Variants in TBC1D2B observed in about 807,000 individuals in gnomAD.
The protein encoded by TBC1D2B is TBC1 domain family, member 2B.
In TBC1D2B, 64 loss-of-function variants were observed where a neutral mutation model predicts 100.8. The ratio of observed to expected loss-of-function variants is 0.64; its 90% CI spans 0.52 to 0.78. The LOEUF is 0.78. Ranked by LOEUF, TBC1D2B falls within the 30% of genes least tolerant of loss-of-function variation. The pLI is 0.00. For missense variants in TBC1D2B, 1,052 were observed against 1,218.4 expected, an observed-to-expected ratio of 0.86 and a Z score of 2.03; for synonymous variants, 480 against 479.7, an observed-to-expected ratio of 1.00 and a Z score of -0.01.
At position 78,054,115 on chromosome 15, in the gene TBC1D2B, G is replaced by T. The variant is rs778649769; in HGVS notation, c.433C>A (p.Leu145Ile). The T allele has an allele frequency of 5.6e-6, 9 of 1,613,882 alleles. No homozygotes were observed. The highest frequency in any genetic ancestry group is 7.6e-6 in the Non-Finnish European group (9 of 1,179,812). ...QQKRWEYCNS[L>I]DMVKWDSRTS... Reference sequence around the variant, plus strand: ...CTGCTGTCCCACTTGACCATGTCAAGACTGTTACAATATTCCCATCTCTTC... The same window carrying T: ...CTGCTGTCCCACTTGACCATGTCAATACTGTTACAATATTCCCATCTCTTC... Residue 145 changes from leucine (L) to isoleucine (I), a missense_variant, in exon 2 of 13, where the codon CTT becomes ATT. Coordinates refer to ENST00000300584, the MANE Select transcript of TBC1D2B (RefSeq NM_144572.2).
At chr15:78,042,673 C>T (rs2073114013) in intron 3 of TBC1D2B, among the ~76,000 whole-genome samples, 1 of 152,128 alleles carries the variant, frequency 6.6e-6, no homozygotes, top group Admixed American at 6.5e-5. Context: ...AATCAGATGG[C>T]ACAGGGCAGA....
intron 1 of TBC1D2B, among the ~76,000 whole-genome samples, chr15:78,062,461 TA>T (rs931614806): frequency 6.6e-6 from 1 of 152,186 alleles, no homozygotes; most frequent in Non-Finnish European, 1.5e-5. Context: ...TCTTTAGTTT[TA>T]AAAAACAACA....
chr15:78,060,167 AG>A (rs1354604661), intron 1 of TBC1D2B, among the ~76,000 whole-genome samples: 8 of 152,232 alleles, frequency 5.3e-5, no homozygotes, highest in African/African-American at 1.7e-4. Context: ...GTTTATTAAG[AG>A]CCTAACTTGG....
chr15:78,035,309 G>A (rs1421212649), intron 3 of TBC1D2B, among the ~76,000 whole-genome samples: 1 of 152,212 alleles, frequency 6.6e-6, no homozygotes, highest in Non-Finnish European at 1.5e-5. Context: ...GTAATAACTC[G>A]TTCGACATTC....
Position 78,077,443 on chromosome 15 carries a change from G to C in TBC1D2B, c.210C>G (p.Phe70Leu). 2.6e-6 allele frequency: 4 copies of C among 1,544,040 alleles called. No homozygotes were observed. Among genetic ancestry groups the C allele is most frequent in the African/African-American group, 1.4e-5 (1 of 71,862 alleles). Residue 70 changes from phenylalanine to leucine, a missense_variant, in exon 1 of 13, where the codon TTC becomes TTG. Phe to Leu is a conservative substitution (Grantham distance 22). Transcript: ENST00000300584. ...GGGGCAGCGCGTCCTGCGGACTCTT[G>C]AAATAGTAAAGGTAGCAGCGGCGCG... ...FDARRCYLYYFKSPQDALPLG... is the reference protein window; with the variant it reads ...FDARRCYLYYLKSPQDALPLG...
chr15:78,074,502 C>T (rs920633364), intron 1 of TBC1D2B, among the ~76,000 whole-genome samples: 1 of 152,122 alleles, frequency 6.6e-6, no homozygotes, highest in Non-Finnish European at 1.5e-5. Flanking sequence ...ATATTCTGAA[C>T]CTACAAAAAG....
Position 77,997,966 on chromosome 15 carries a change from AT to A in TBC1D2B, c.*193del, listed in dbSNP as rs2071806946. 9.1e-6 allele frequency: 4 copies of A among 439,334 alleles called. No homozygotes were observed. The highest frequency in any genetic ancestry group is 8.1e-5 in the African/African-American group (4 of 49,118). The allele number at this position is 439,334 out of a possible 1,614,324, so 27.2% of individuals were successfully genotyped here. A position where few individuals can be genotyped will look rare whatever the true frequency, so the allele number is the denominator to read the frequency against. On this transcript the variant is annotated 3_prime_UTR_variant, in exon 13 of 13. Coordinates refer to ENST00000300584, the MANE Select transcript of TBC1D2B (RefSeq NM_144572.2). ...GTGTAACCAAAAGCATGGCACGGAA[AT>A]GGTTGTAAACAGATTAGACCTCCCA...
At chr15:78,075,797 C>A (rs1016274140) in intron 1 of TBC1D2B, among the ~76,000 whole-genome samples, 4 of 152,154 alleles carry the variant, frequency 2.6e-5, no homozygotes, top group African/African-American at 9.7e-5. Context: ...GGAATCAGAT[C>A]CTGCTTGAAC....
chr15:77,998,760 C>T (rs181272973), intron 12 of TBC1D2B: 19 of 176,892 alleles, frequency 1.1e-4, no homozygotes, highest in East Asian at 1.6e-4. Context: ...CATCCTTGGG[C>T]GGGCATGAGG....
intron 8 of TBC1D2B, 90 bp from the exon 9 acceptor site, chr15:78,013,407 T>C (rs2072287587): frequency 8.2e-7 from 1 of 1,225,896 alleles, no homozygotes; most frequent in East Asian, 2.6e-5. Flanking sequence ...AGAAACCAAA[T>C]CAGGCACACG....
intron 3 of TBC1D2B, among the ~76,000 whole-genome samples, chr15:78,032,071 A>T (rs866162672): frequency 6.6e-6 from 1 of 152,226 alleles, no homozygotes; most frequent in African/African-American, 2.4e-5. Context: ...TGTCACAGAG[A>T]TCTTAGATGG....
At chr15:78,038,858 A>T (rs1395983844) in intron 3 of TBC1D2B, among the ~76,000 whole-genome samples, 6 of 152,226 alleles carry the variant, frequency 3.9e-5, no homozygotes, top group African/African-American at 1.4e-4. Context: ...GAACAGTGTC[A>T]TACACCGATG....
chr15:78,024,941 A>G (rs184260908), intron 5 of TBC1D2B, among the ~76,000 whole-genome samples: 38 of 152,346 alleles, frequency 2.5e-4, no homozygotes, highest in African/African-American at 8.7e-4. Context: ...ACTGTTAAAG[A>G]ACTCTGGGCT....
intron 1 of TBC1D2B, among the ~76,000 whole-genome samples, chr15:78,056,475 G>A (rs2141813718): frequency 6.6e-6 from 1 of 152,366 alleles, no homozygotes; most frequent in Admixed American, 6.5e-5. Context: ...CAGAGGCCGT[G>A]AGCCCACTTG....
At chr15:78,063,537 G>C (rs77324051) in intron 1 of TBC1D2B, among the ~76,000 whole-genome samples, 1 of 152,060 alleles carries the variant, frequency 6.6e-6, no homozygotes, top group Non-Finnish European at 1.5e-5. Context: ...TATATCAGAT[G>C]CTGGTCCCCA....
intron 4 of TBC1D2B, among the ~76,000 whole-genome samples, chr15:78,029,626 G>C (rs2072758910): frequency 6.6e-6 from 1 of 152,216 alleles, no homozygotes; most frequent in South Asian, 2.1e-4. Flanking sequence ...GACGGAGAAG[G>C]AAGAAGAGAG....
At chr15:78,002,969 G>C (rs962078569) in intron 11 of TBC1D2B, 2 of 216,530 alleles carry the variant, frequency 9.2e-6, no homozygotes, top group Admixed American at 1.0e-4. Context: ...CTAATCCCCT[G>C]CTTATTAGAT....
intron 3 of TBC1D2B, among the ~76,000 whole-genome samples, chr15:78,043,131 A>T (rs943083658): frequency 9.2e-5 from 14 of 152,202 alleles, no homozygotes; most frequent in African/African-American, 3.1e-4. Context: ...TAAAAACTAA[A>T]AACACACAGA....
intron 1 of TBC1D2B, among the ~76,000 whole-genome samples, chr15:78,071,199 A>C (rs1299433191): frequency 6.6e-6 from 1 of 152,154 alleles, no homozygotes; most frequent in African/African-American, 2.4e-5. Flanking sequence ...AACTATTGGT[A>C]TCAAGTGATC....
Sources: allele counts gnomAD v4.1 joint callset (sites outside exome capture counted in the v4.1 genomes callset), GRCh38; gene constraint gnomAD v4.1.1; transcripts MANE v1.5; gene names NCBI Gene and HGNC (gene_info 2026-07-23, HGNC 2026-07-21).